The following TRIM3 variants were observed in gnomAD, a reference collection of about 807,000 sequenced individuals.
TRIM3 encodes tripartite motif-containing protein 3.
A neutral mutation model predicts 66.6 loss-of-function variants in TRIM3; 13 were observed. That is an observed-to-expected ratio of 0.20 (90% CI 0.13 to 0.31). The LOEUF (loss-of-function observed/expected upper bound fraction) is 0.31. TRIM3 is among the 10% of genes least tolerant of loss of function. The pLI is 1.00. For synonymous variants in TRIM3, 406 were observed against 411.7 expected, an observed-to-expected ratio of 0.99 and a Z score of 0.17; for missense variants, 711 against 1,020.4, an observed-to-expected ratio of 0.70 and a Z score of 4.13.
At chr11:6,472,096 C>T (rs1034777577) in intron 1 of TRIM3, among the ~76,000 whole-genome samples, 2 of 152,194 alleles carry the variant, frequency 1.3e-5, no homozygotes, top group African/African-American at 4.8e-5. Context: ...GCTATGACTA[C>T]ATCCTCAATT....
At chr11:6,472,421 A>T (rs552795993) in intron 1 of TRIM3, among the ~76,000 whole-genome samples, 1 of 113,492 alleles carries the variant, frequency 8.8e-6, no homozygotes, top group Non-Finnish European at 1.8e-5. Flanking sequence ...CCTCCCCTCC[A>T]CACTCCCCCT....
chr11:6,452,452 T>G (rs1298938243), intron 7 of TRIM3: 1 of 152,244 alleles, frequency 6.6e-6, no homozygotes, highest in South Asian at 2.1e-4. Context: ...AGAACTCAAG[T>G]TCTGGGCATT....
intron 2 of TRIM3, among the ~76,000 whole-genome samples, chr11:6,461,260 TTC>T (rs951466382): frequency 4.6e-5 from 7 of 151,986 alleles, no homozygotes; most frequent in Admixed American, 4.6e-4. Context: ...GTAGAGTGGT[TTC>T]TGTCTCATAC....
chr11:6,451,160 G>A (rs570916487), intron 8 of TRIM3, 100 bp from the exon 9 acceptor site: 3 of 1,583,776 alleles, frequency 1.9e-6, no homozygotes, highest in East Asian at 4.5e-5. Flanking sequence ...GAAAGAACAG[G>A]GAGTAGGAGG....
chr11:6,456,491 C>T lies in TRIM3; in HGVS notation c.1235G>A (p.Ser412Asn). 6.4e-7 allele frequency: 1 copy of T among 1,565,736 alleles called. No homozygotes were observed. Among genetic ancestry groups the T allele is most frequent in the Non-Finnish European group, 8.7e-7 (1 of 1,150,804 alleles). The change falls in exon 6 of 12, where the codon AGC becomes AAC. Residue 412 changes from serine (S) to asparagine (N), a missense_variant. Transcript: ENST00000345851. The surrounding 1 kb of genome is among the most constrained non-coding windows in gnomAD (Gnocchi z 6.4). ...ACGCAGGGCACGCACGCGGAAGGGG[C>T]TGCCGCGCACTGGCTGTCCGTAGAG... ...VLLYGQPVRG[S>N]PFRVRALRPG... is the part of the protein sequence containing the mutation.
chr11:6,461,063 G>A (rs928666347), intron 2 of TRIM3, among the ~76,000 whole-genome samples: 6 of 151,700 alleles, frequency 4.0e-5, no homozygotes, highest in African/African-American at 1.2e-4. Flanking sequence ...ACACCATCAC[G>A]CCTGGCTAAT....
At chr11:6,469,577 T>C (rs1398990149) in intron 1 of TRIM3, among the ~76,000 whole-genome samples, 2 of 152,214 alleles carry the variant, frequency 1.3e-5, no homozygotes, top group Non-Finnish European at 2.9e-5. Flanking sequence ...GCTATCCCTG[T>C]ATTGGTTATT....
chr11:6,456,948 G>A lies in TRIM3; in HGVS notation c.778C>T (p.Arg260Cys), dbSNP rs944397811. 8.7e-6 allele frequency: 14 copies of A among 1,609,908 alleles called. No homozygotes were observed. The highest frequency in any genetic ancestry group is 3.3e-5 in the Admixed American group (2 of 60,020). Residue 260 changes from arginine (R) to cysteine (C), a missense_variant, in exon 6 of 12, where the codon CGC (arginine) becomes TGC (cysteine). Physicochemically the swap from Arg to Cys is radical, Grantham distance 180 (BLOSUM62 -3). Around this residue, in one of 3 missense-constraint regions of TRIM3, gnomAD observed 399 missense variants for 458.1 expected, o/e 0.87. Transcript: ENST00000345851. The surrounding 1 kb of genome is among the most constrained non-coding windows in gnomAD (Gnocchi z 6.4). Reference protein sequence around the residue: ...SSCSFAEQALRLGSAPEVLLV... With the variant: ...SSCSFAEQALCLGSAPEVLLV... Reference sequence around the variant, plus strand: ...AACACCTCCGGGGCCGAGCCCAGGCGCAGTGCCTGCTCTGCAAAGCTGCAG... The same window carrying A: ...AACACCTCCGGGGCCGAGCCCAGGCACAGTGCCTGCTCTGCAAAGCTGCAG...
In TRIM3 at chr11:6,458,108, A is replaced by T; in HGVS notation, c.320T>A (p.Val107Glu). 6.2e-7 allele frequency: 1 copy of T among 1,613,234 alleles called. No individual in the cohort carries two copies. The highest frequency in any genetic ancestry group is 2.2e-5 in the East Asian group (1 of 44,864). The change falls in exon 3 of 12, where the codon GTA becomes GAA. Residue 107 changes from valine to glutamate, a missense_variant. Physicochemically the swap from Val to Glu is moderately radical, Grantham distance 121. Transcript: ENST00000345851. This position sits in a 1 kb window ranked among gnomAD's most constrained non-coding sequence, Gnocchi z 6.2. ...HDPEDPHPLSVVAGRPLSCPN... is the reference protein window; with the variant it reads ...HDPEDPHPLSEVAGRPLSCPN... ...GCAGGAGAGAGGGCGGCCAGCCACT[A>T]CACTGAGGGGGTGGGGGTCCTCCGG...
Position 6,457,104 on chromosome 11 carries a change from A to G in TRIM3, c.697-75T>C. On this transcript the variant is annotated intron_variant, in intron 5 of 11. Transcript: ENST00000345851. The surrounding 1 kb of genome is among the most constrained non-coding windows in gnomAD (Gnocchi z 4.5). Reference sequence around the variant, plus strand: ...TCTCTGTGATTACTGAAGTTGTAGCACTGTGGCATAAAATACAAGAGGGTG... The same window carrying G: ...TCTCTGTGATTACTGAAGTTGTAGCGCTGTGGCATAAAATACAAGAGGGTG... The G allele has an allele frequency of 6.5e-7, 1 of 1,538,490 alleles. No individual in the cohort carries two copies. The highest frequency in any genetic ancestry group is 8.7e-7 in the Non-Finnish European group (1 of 1,143,900).
intron 2 of TRIM3, among the ~76,000 whole-genome samples, chr11:6,463,874 G>A (rs1850339858): frequency 6.6e-6 from 1 of 152,208 alleles, no homozygotes; most frequent in South Asian, 2.1e-4. Context: ...AACTTGAATG[G>A]ACAGGAAAAC....
intron 7 of TRIM3, 148 bp downstream of exon 7, chr11:6,455,924 G>T: frequency 1.3e-6 from 1 of 787,132 alleles, no homozygotes; most frequent in Non-Finnish European, 2.0e-6. Context: ...TGCGTAAGGG[G>T]TGATCCTTTG....
intron 1 of TRIM3, among the ~76,000 whole-genome samples, chr11:6,469,256 C>T (rs867299053): frequency 3.3e-5 from 5 of 152,168 alleles, no homozygotes; most frequent in South Asian, 4.1e-4. Context: ...TAGGGGCTCT[C>T]CCAGACTGTC....
chr11:6,465,617 C>G lies in TRIM3; in HGVS notation c.79G>C (p.Asp27His), dbSNP rs897140828. The G allele has an allele frequency of 6.2e-7, 1 of 1,614,192 alleles. No homozygotes were observed. The highest frequency in any genetic ancestry group is 8.5e-7 in the Non-Finnish European group (1 of 1,180,024). ...AGAACCTTGGGGCACTGGTACCGAT[C>G]CAGGCAGATGCTGCATACCAGGAAC... is the stretch of plus-strand genomic sequence containing the variant. ...KQFLVCSICL[D>H]RYQCPKVLPC... The change falls in exon 2 of 12, where the codon GAT becomes CAT. Residue 27 changes from aspartate (D) to histidine (H), a missense_variant. Asp to His is a moderately conservative substitution (Grantham distance 81). Transcript: ENST00000345851.
Position 6,457,420 on chromosome 11 carries a change from T to A in TRIM3, c.572A>T (p.Gln191Leu), listed in dbSNP as rs141315675. 5 of 1,613,568 alleles carry A rather than the reference T, an allele frequency of 3.1e-6. No homozygotes were observed. Among genetic ancestry groups the A allele is most frequent in the African/African-American group, 1.3e-5 (1 of 74,934 alleles). Residue 191 changes from glutamine to leucine, a missense_variant, in exon 5 of 12, where the codon CAG becomes CTG. Gln to Leu is a moderately radical substitution (Grantham distance 113, BLOSUM62 -2). Around this residue, in one of 3 missense-constraint regions of TRIM3, gnomAD observed 399 missense variants for 458.1 expected, o/e 0.87. Transcript: ENST00000345851. This position sits in a 1 kb window ranked among gnomAD's most constrained non-coding sequence, Gnocchi z 4.5. ...GGCCAGGGCCTCTGCCTTGCGCTCCTGCAGCTGCTGGCTGATGCCCCCGAC... is the reference window on the plus strand; with the variant it reads ...GGCCAGGGCCTCTGCCTTGCGCTCCAGCAGCTGCTGGCTGATGCCCCCGAC... The part of the protein sequence containing the change: ...ALVGGISQQL[Q>L]ERKAEALAQI...
chr11:6,463,080 C>T (rs1850313525), intron 2 of TRIM3, among the ~76,000 whole-genome samples: 1 of 152,044 alleles, frequency 6.6e-6, no homozygotes, highest in South Asian at 2.1e-4. Flanking sequence ...TGGCGTGCGC[C>T]TGTAGTCCCA....
chr11:6,457,165 A>AC lies in TRIM3; in HGVS notation c.696+130dup, dbSNP rs1469155055. The AC allele has an allele frequency of 7.3e-6, 11 of 1,505,784 alleles. No individual in the cohort carries two copies. Among genetic ancestry groups the AC allele is most frequent in the Non-Finnish European group, 8.1e-6 (9 of 1,113,192 alleles). 93.3% of individuals were successfully genotyped at this position (1,505,784 alleles called of 1,614,324 possible). On this transcript the variant is annotated intron_variant, in intron 5 of 11. Coordinates refer to ENST00000345851, the MANE Select transcript of TRIM3 (RefSeq NM_033278.4). This position sits in a 1 kb window ranked among gnomAD's most constrained non-coding sequence, Gnocchi z 4.5. ...GAGGACACAGATGCCCACAGCACCT[A>AC]CCGAGGGCATGTCAGGAGGCAGAAT...
rs1241909689 is a variant in TRIM3, at chr11:6,450,458, A to C, written c.1941+93T>G. On this transcript the variant is annotated intron_variant, in intron 10 of 11. Transcript: ENST00000345851. The surrounding 1 kb of genome is among the most constrained non-coding windows in gnomAD (Gnocchi z 4.8). ...GTGTATTGTTTGAGTGAATGATCTC[A>C]AAGGGGAAAAGGAGGAGGTAAAATA... The C allele has an allele frequency of 7.1e-6, 8 of 1,128,052 alleles. No homozygotes were observed. Among genetic ancestry groups the C allele is most frequent in the Non-Finnish European group, 1.1e-5 (8 of 742,270 alleles). 69.9% of individuals were successfully genotyped at this position (1,128,052 alleles called of 1,614,324 possible). A position where few individuals can be genotyped will look rare whatever the true frequency, so the allele number is the denominator to read the frequency against.
At chr11:6,455,071 G>C (rs2134173488) in intron 7 of TRIM3, among the ~76,000 whole-genome samples, 1 of 152,112 alleles carries the variant, frequency 6.6e-6, no homozygotes, top group Non-Finnish European at 1.5e-5. Context: ...CTACCTCCAG[G>C]CCTGCTGGGC....
Sources: gnomAD v4.1 joint callset for allele counts (sites outside exome capture counted in the v4.1 genomes callset) on GRCh38, gnomAD v4.1.1 for gene constraint, gnomAD v4.1.1 regional missense constraint, Gnocchi (gnomAD v3.1) non-coding constraint, MANE v1.5 for transcripts, NCBI Gene and HGNC (gene_info 2026-07-23, HGNC 2026-07-21) for gene names.